The following RCOR1 variants were observed in gnomAD, a reference collection of about 807,000 sequenced individuals.
RCOR1 encodes the protein REST corepressor 1, also known as REST corepressor.
Under a neutral mutation model 64.0 loss-of-function variants are expected in RCOR1, and 12 were observed. That is an observed-to-expected ratio of 0.19 (90% confidence interval 0.12 to 0.30). The LOEUF (loss-of-function observed/expected upper bound fraction) is 0.30, where lower values mean the gene tolerates loss of function less well. RCOR1 is among the 10% of genes least tolerant of loss of function. The pLI is 1.00. For missense variants in RCOR1, 502 were observed against 621.2 expected (o/e 0.81, Z 2.04); for synonymous variants, 279 against 227.2 (o/e 1.23, Z -2.05).
chr14:102,603,709 C>G (rs1893449108), intron 2 of RCOR1, among the ~76,000 whole-genome samples: 1 of 152,092 alleles, frequency 6.6e-6, no homozygotes, highest in South Asian at 2.1e-4. Context: ...CAACCTTCAT[C>G]TCCTGGGCTC....
At chr14:102,632,065 C>G (rs1387895612) in intron 2 of RCOR1, among the ~76,000 whole-genome samples, 1 of 151,788 alleles carries the variant, frequency 6.6e-6, no homozygotes, top group Non-Finnish European at 1.5e-5. Context: ...ACGCCTTGGC[C>G]TCCCAAAGTG....
chr14:102,724,441 C>T (rs894105333), intron 11 of RCOR1, among the ~76,000 whole-genome samples: 21 of 152,108 alleles, frequency 1.4e-4, no homozygotes, highest in Admixed American at 1.2e-3. Context: ...TCTCCTGCCT[C>T]AGCCCTCAGC....
chr14:102,726,455 C>A lies in RCOR1; in HGVS notation c.1420-13C>A. 1 of 1,530,694 alleles carries A rather than the reference C, an allele frequency of 6.5e-7. No individual in the cohort carries two copies. The highest frequency in any genetic ancestry group is 2.3e-5 in the East Asian group (1 of 42,750). 94.8% of individuals were successfully genotyped at this position (1,530,694 alleles called of 1,614,324 possible). ...TTTGATCCTTTTTTTTTTTTTTTTCCTCTTGGCCTCAGGCTCCTGTTCTGG... is the reference window on the plus strand; with the variant it reads ...TTTGATCCTTTTTTTTTTTTTTTTCATCTTGGCCTCAGGCTCCTGTTCTGG... On this transcript the variant is annotated splice_polypyrimidine_tract_variant and intron_variant, in intron 11 of 11. Coordinates refer to ENST00000262241, the MANE Select transcript of RCOR1 (RefSeq NM_015156.4).
chr14:102,710,876 G>T, intron 6 of RCOR1, 59 bp from the exon 7 acceptor site: 2 of 1,182,056 alleles, frequency 1.7e-6, no homozygotes, highest in South Asian at 1.4e-5. Context: ...TCAATTTATC[G>T]TTTGTATTCG....
At chr14:102,616,441 A>T (rs940755982) in intron 2 of RCOR1, among the ~76,000 whole-genome samples, 3 of 151,210 alleles carry the variant, frequency 2.0e-5, no homozygotes, top group South Asian at 4.2e-4. Flanking sequence ...AGCTAATTAA[A>T]TTTTTTTTTG....
At chr14:102,653,632 T>C (rs1894639946) in intron 2 of RCOR1, among the ~76,000 whole-genome samples, 1 of 152,146 alleles carries the variant, frequency 6.6e-6, no homozygotes, top group Non-Finnish European at 1.5e-5. Context: ...GATTGGATCA[T>C]GGGGGTGGAT....
intron 2 of RCOR1, among the ~76,000 whole-genome samples, chr14:102,669,472 T>G (rs567912935): frequency 2.2e-4 from 34 of 152,198 alleles, no homozygotes; most frequent in Admixed American, 3.3e-4. Flanking sequence ...GGAGGAAAAA[T>G]GTTCTTTACA....
intron 2 of RCOR1, among the ~76,000 whole-genome samples, chr14:102,646,812 G>A (rs1894485444): frequency 6.6e-6 from 1 of 152,242 alleles, no homozygotes; most frequent in Non-Finnish European, 1.5e-5. Context: ...GCATTTTTCA[G>A]ATGGTTGTGT....
intron 2 of RCOR1, among the ~76,000 whole-genome samples, chr14:102,629,084 T>G (rs1411838060): frequency 2.0e-5 from 3 of 152,066 alleles, no homozygotes; most frequent in Non-Finnish European, 2.9e-5. Context: ...AACACGCTGT[T>G]TCCTGACCGT....
At chr14:102,655,340 T>G (rs1156757183) in intron 2 of RCOR1, 1 of 985,220 alleles carries the variant, frequency 1.0e-6, no homozygotes, top group African/African-American at 1.7e-5. Flanking sequence ...TGTACTTTAC[T>G]TTAGAATGGC....
At chr14:102,696,954 C>G (rs1258779826) in intron 3 of RCOR1, among the ~76,000 whole-genome samples, 2 of 151,710 alleles carry the variant, frequency 1.3e-5, no homozygotes, top group African/African-American at 2.4e-5. Context: ...GCTGTCCTAC[C>G]AGCAGCTACT....
intron 2 of RCOR1, among the ~76,000 whole-genome samples, chr14:102,634,789 C>G (rs1894202087): frequency 6.6e-6 from 1 of 151,716 alleles, no homozygotes. Context: ...CTCTACCTCC[C>G]AGGTTCAAGT....
intron 9 of RCOR1, 23 bp downstream of exon 9, chr14:102,721,107 T>C (rs1896160832): frequency 7.2e-7 from 1 of 1,386,266 alleles, no homozygotes; most frequent in Non-Finnish European, 1.0e-6. Context: ...TAACATCATC[T>C]TAGAAGTCAT....
intron 6 of RCOR1, among the ~76,000 whole-genome samples, chr14:102,709,294 T>A (rs1241482425): frequency 6.6e-6 from 1 of 152,176 alleles, no homozygotes; most frequent in East Asian, 1.9e-4. Context: ...CAAGCTTCTG[T>A]TTTCCTTAAC....
At chr14:102,602,399 T>C (rs1398125011) in intron 2 of RCOR1, among the ~76,000 whole-genome samples, 251 of 22,678 alleles carry the variant, frequency 0.011, 1 homozygote, top group African/African-American at 0.019. Context: ...CTTTTCTTTT[T>C]TTTTTTTTTT....
At chr14:102,692,710 C>CTCTT (rs1555466542) in intron 3 of RCOR1, among the ~76,000 whole-genome samples, 3 of 118,684 alleles carry the variant, frequency 2.5e-5, no homozygotes, top group Non-Finnish European at 5.1e-5. Context: ...AACTACATCT[C>CTCTT]TCCTTCCTTC....
intron 2 of RCOR1, among the ~76,000 whole-genome samples, chr14:102,653,292 C>T (rs1233268112): frequency 1.3e-5 from 2 of 152,272 alleles, no homozygotes; most frequent in East Asian, 1.9e-4. Flanking sequence ...AATCTTGCCT[C>T]ACTGGAGCCT....
chr14:102,600,364 C>T (rs1338039108), intron 2 of RCOR1, among the ~76,000 whole-genome samples: 1 of 151,778 alleles, frequency 6.6e-6, no homozygotes, highest in Non-Finnish European at 1.5e-5. Context: ...CGTGAGCCAC[C>T]GCGCCCAGCC....
intron 10 of RCOR1, 145 bp downstream of exon 10, chr14:102,721,522 G>A (rs1896167847): frequency 4.3e-6 from 2 of 469,380 alleles, no homozygotes; most frequent in Non-Finnish European, 7.6e-6. Context: ...CTGCATTCCA[G>A]CCTGGACAAC....
Sources: allele counts gnomAD v4.1 joint callset (sites outside exome capture counted in the v4.1 genomes callset), GRCh38; gene constraint gnomAD v4.1.1; transcripts MANE v1.5; gene names NCBI Gene and HGNC (gene_info 2026-07-23, HGNC 2026-07-21).